Variants in EIF2D observed in about 807,000 individuals in gnomAD.
The protein encoded by EIF2D is eukaryotic translation initiation factor 2D.
Under a neutral mutation model 77.4 loss-of-function variants are expected in EIF2D, and 56 were observed. The observed-to-expected ratio is 0.72, with a 90% CI of 0.58 to 0.90. The LOEUF is 0.90. EIF2D is among the 40% of genes least tolerant of loss of function. EIF2D has a pLI of 0.00. For synonymous variants in EIF2D, 230 were observed against 271.0 expected (o/e 0.85, Z 1.49); for missense variants, 574 against 706.5 (o/e 0.81, Z 2.13).
chr1:206,605,897 G>T (rs1322691055), intron 4 of EIF2D, among the ~76,000 whole-genome samples: 3 of 152,204 alleles, frequency 2.0e-5, no homozygotes, highest in African/African-American at 7.2e-5. Context: ...CCATAAGGAA[G>T]TTTAAAGGGG....
downstream of EIF2D, among the ~76,000 whole-genome samples, chr1:206,570,070 A>C (rs1668398910): frequency 7.1e-6 from 1 of 141,384 alleles, no homozygotes; most frequent in Non-Finnish European, 1.5e-5. Context: ...ACATAACATA[A>C]AATTTACCTT....
chr1:206,585,480 A>C, intron 2 of EIF2D: 1 of 540,564 alleles, frequency 1.8e-6, no homozygotes, highest in East Asian at 3.0e-5. Flanking sequence ...GACTCTGAAC[A>C]CCCTGGGGTA....
chr1:206,612,144 C>T lies in EIF2D; in HGVS notation c.56+143G>A, dbSNP rs1670527214. 3.7e-6 allele frequency: 4 copies of T among 1,072,252 alleles called. No homozygotes were observed. The East Asian group carries it at 7.2e-5, about 19-fold the overall frequency. 66.4% of individuals were successfully genotyped at this position (1,072,252 alleles called of 1,614,324 possible). A position where few individuals can be genotyped will look rare whatever the true frequency, so the allele number is the denominator to read the frequency against. On this transcript the variant is annotated intron_variant, in intron 1 of 14. Coordinates refer to ENST00000271764, the MANE Select transcript of EIF2D (RefSeq NM_006893.3). Reference sequence around the variant, plus strand: ...CACCTCAAAATGTGTCTAACCCACCCTTGCCTCCTGGGGTCCCTTCCCTGG... The same window carrying T: ...CACCTCAAAATGTGTCTAACCCACCTTTGCCTCCTGGGGTCCCTTCCCTGG...
At chr1:206,598,962 A>G in intron 11 of EIF2D, 41 bp downstream of exon 11, 1 of 1,585,942 alleles carries the variant, frequency 6.3e-7, no homozygotes, top group Non-Finnish European at 8.7e-7. Flanking sequence ...GATAAAGACA[A>G]AGACCCAATA....
Position 206,584,346 on chromosome 1 carries a change from G to T in EIF2D, c.139-3184C>A. 1 of 1,567,594 alleles carries T rather than the reference G, an allele frequency of 6.4e-7. No homozygotes were observed. Among genetic ancestry groups the T allele is most frequent in the Non-Finnish European group, 8.7e-7 (1 of 1,155,294 alleles). ...CGAGTGGCAGATATGATCATGCAAG[G>T]CGGACGGCCCTGACCCCCTGTGACA... On this transcript the variant is annotated intron_variant and NMD_transcript_variant, in intron 2 of 5. Coordinates refer to the EIF2D transcript ENST00000472709. This position sits in a 1 kb window ranked among gnomAD's most constrained non-coding sequence, Gnocchi z 4.9.
downstream of EIF2D, chr1:206,587,065 A>G (rs181223559): frequency 1.9e-5 from 28 of 1,503,604 alleles, no homozygotes; most frequent in African/African-American, 3.6e-4. Flanking sequence ...TTCTCAGGAC[A>G]TCTCTGGCAG....
chr1:206,574,314 T>C (rs1271182453), intron 4 of EIF2D, among the ~76,000 whole-genome samples: 1 of 152,194 alleles, frequency 6.6e-6, no homozygotes, highest in Non-Finnish European at 1.5e-5. Context: ...AGCGCATCCA[T>C]CTCTGTCTTC....
At chr1:206,583,889 G>A (rs1440870521) in intron 2 of EIF2D, among the ~76,000 whole-genome samples, 1 of 152,142 alleles carries the variant, frequency 6.6e-6, no homozygotes, top group African/African-American at 2.4e-5. Context: ...GGCTCTTTGG[G>A]GTTCAGCCAG....
intron 13 of EIF2D, 124 bp from the exon 14 acceptor site, chr1:206,593,917 A>G: frequency 1.3e-6 from 1 of 770,764 alleles, no homozygotes; most frequent in Non-Finnish European, 2.0e-6. Flanking sequence ...CATTCCTATA[A>G]CCCTAGTACT....
rs144145102 is a variant in EIF2D at position 206,593,680 on chromosome 1, C to T, written c.1623G>A (p.Lys541=). The change falls in exon 14 of 15, where the codon AAG becomes AAA. Residue 541 remains lysine (K), a synonymous_variant. Transcript: ENST00000271764. ...CCTGGATCTGCACCTGAAGGCTGTC[C>T]TTGGCCCCAGGGGCAGGATTGACGG... ...STTVNPAPGA[K]DSLQVQIQGN... is the part of the protein sequence containing the mutation. The T allele has an allele frequency of 7.4e-6, 12 of 1,613,964 alleles. No homozygotes were observed. The African/African-American group carries it at 1.5e-4, about 20-fold the overall frequency.
downstream of EIF2D, among the ~76,000 whole-genome samples, chr1:206,590,026 G>T (rs1032826873): frequency 2.6e-5 from 4 of 152,152 alleles, no homozygotes; most frequent in Non-Finnish European, 4.4e-5. Flanking sequence ...AATCTCATAT[G>T]GTTACAGCAT....
At chr1:206,587,081 T>C, downstream of EIF2D, 1 of 1,393,906 alleles carries the variant, frequency 7.2e-7, no homozygotes, top group Middle Eastern at 2.4e-4. Flanking sequence ...GGCAGGTGCA[T>C]TTGTGCCTGC....
In EIF2D at chr1:206,593,732, A is replaced by G; in HGVS notation, c.1571T>C (p.Leu524Pro). 12 of 1,613,876 alleles carry G rather than the reference A, an allele frequency of 7.4e-6. No individual in the cohort carries two copies. The highest frequency in any genetic ancestry group is 9.3e-6 in the Non-Finnish European group (11 of 1,179,920). ...GLDPYSVAAI[L>P]QQRCQASTTV... ...GGTGCTAGCCTGGCATCGCTGCTGA[A>G]GGATGGCAGCCACTGAGTATGGGTC... Residue 524 changes from leucine to proline, a missense_variant, in exon 14 of 15, where the codon CTT becomes CCT. Physicochemically the swap from Leu to Pro is moderately conservative, Grantham distance 98 (BLOSUM62 -3). Coordinates refer to ENST00000271764, the MANE Select transcript of EIF2D (RefSeq NM_006893.3).
At chr1:206,611,582 T>C (rs782304266) in intron 1 of EIF2D, among the ~76,000 whole-genome samples, 11 of 152,252 alleles carry the variant, frequency 7.2e-5, no homozygotes, top group Non-Finnish European at 1.5e-5. Context: ...TCCTGGGGTA[T>C]GCCTTCCCAT....
intron 7 of EIF2D, chr1:206,600,613 T>G (rs1362015301): frequency 6.7e-6 from 2 of 296,420 alleles, no homozygotes; most frequent in Non-Finnish European, 1.2e-5. Context: ...CCAAGGGAAC[T>G]GAATTTTAAA....
chr1:206,599,340 G>T lies in EIF2D; in HGVS notation c.1202+123C>A. 1.5e-6 allele frequency: 2 copies of T among 1,315,766 alleles called. No homozygotes were observed. The highest frequency in any genetic ancestry group is 1.5e-5 in the African/African-American group (1 of 67,900). 81.5% of individuals were successfully genotyped at this position (1,315,766 alleles called of 1,614,324 possible). On this transcript the variant is annotated intron_variant, in intron 10 of 14. Transcript: ENST00000271764. The surrounding 1 kb of genome is among the most constrained non-coding windows in gnomAD (Gnocchi z 4.1). ...GGAAGAAGGCTGGAAGCTGGATTTT[G>T]GAGAAGGGGAGAACAGGGGCAGAGC... is the stretch of plus-strand genomic sequence containing the variant.
chr1:206,605,376 A>C (rs1361347430), intron 5 of EIF2D, 24 bp downstream of exon 5: 5 of 1,597,310 alleles, frequency 3.1e-6, no homozygotes, highest in Non-Finnish European at 4.3e-6. Flanking sequence ...GTTCTCTGTA[A>C]AACAGAAGAA....
chr1:206,589,048 C>CTT (rs1474536432), downstream of EIF2D: 2 of 152,826 alleles, frequency 1.3e-5, no homozygotes, highest in African/African-American at 4.8e-5. Context: ...ACAATTCAGA[C>CTT]TTTACTAAAG....
At chr1:206,597,218 G>A in intron 11 of EIF2D, 23 bp from the exon 12 acceptor site, 2 of 1,580,168 alleles carry the variant, frequency 1.3e-6, no homozygotes, top group Non-Finnish European at 1.7e-6. Flanking sequence ...AAGAGGCAAT[G>A]AAGAAATCCT....
Sources: gnomAD v4.1 joint callset for allele counts (sites outside exome capture counted in the v4.1 genomes callset) on GRCh38, gnomAD v4.1.1 for gene constraint, Gnocchi (gnomAD v3.1) non-coding constraint, MANE v1.5 for transcripts, NCBI Gene and HGNC (gene_info 2026-07-23, HGNC 2026-07-21) for gene names.